Variants in KHDRBS1 observed in about 807,000 individuals in gnomAD.
The protein encoded by KHDRBS1 is KH RNA binding domain containing, signal transduction associated 1.
In KHDRBS1, 7 loss-of-function variants were observed where a neutral mutation model predicts 48.4. The observed-to-expected ratio is 0.14, with a 90% confidence interval of 0.08 to 0.27. The LOEUF is 0.27. KHDRBS1 is among the 10% of genes least tolerant of loss of function. KHDRBS1 has a pLI of 1.00. For missense variants in KHDRBS1, 458 were observed against 601.2 expected (o/e 0.76, Z 2.49); for synonymous variants, 241 against 235.8 (o/e 1.02, Z -0.20).
intron 10 of KHDRBS1, among the ~76,000 whole-genome samples, chr1:32,049,822 C>T (rs1191031108): frequency 2.0e-5 from 3 of 151,992 alleles, no homozygotes; most frequent in Non-Finnish European, 2.9e-5. Flanking sequence ...CCACCACACC[C>T]GGCTAATTCT....
At chr1:32,042,293 G>A (rs1230162261) in intron 8 of KHDRBS1, among the ~76,000 whole-genome samples, 3 of 152,212 alleles carry the variant, frequency 2.0e-5, no homozygotes, top group Admixed American at 2.0e-4. Context: ...TTACTCCAGA[G>A]TCAATGGCAG....
intron 8 of KHDRBS1, among the ~76,000 whole-genome samples, chr1:32,040,370 C>T (rs547410458): frequency 3.3e-5 from 5 of 151,684 alleles, no homozygotes; most frequent in East Asian, 1.9e-4. Context: ...GAGCTGAGAC[C>T]GTGCCATTGC....
intron 8 of KHDRBS1, among the ~76,000 whole-genome samples, chr1:32,040,042 T>C (rs1639253366): frequency 6.6e-6 from 1 of 152,002 alleles, no homozygotes; most frequent in South Asian, 2.1e-4. Context: ...TTGAAAAGAA[T>C]GTCATTGTAA....
At chr1:32,021,472 A>G (rs1209483305) in intron 1 of KHDRBS1, among the ~76,000 whole-genome samples, 1 of 152,228 alleles carries the variant, frequency 6.6e-6, no homozygotes, top group African/African-American at 2.4e-5. Flanking sequence ...TAAATAAAAC[A>G]AATGAAGTTG....
chr1:32,039,047 C>T (rs1372085715), intron 7 of KHDRBS1, among the ~76,000 whole-genome samples: 1 of 152,138 alleles, frequency 6.6e-6, no homozygotes, highest in Non-Finnish European at 1.5e-5. Flanking sequence ...CACATTAAAG[C>T]TCCATAAAAT....
At position 32,042,654 on chromosome 1, in the gene KHDRBS1, T is replaced by C. The variant is rs1049144928; in HGVS notation, c.*30T>C. ...AAACATGAGGGGAAAATATCAGTTA[T>C]GAGCAAAGTTGTTACTGATTTCTTG... On this transcript the variant is annotated 3_prime_UTR_variant, in exon 9 of 9. Coordinates refer to ENST00000327300, the MANE Select transcript of KHDRBS1 (RefSeq NM_006559.3). The C allele has an allele frequency of 7.5e-7, 1 of 1,325,928 alleles. No individual in the cohort carries two copies. Among genetic ancestry groups the C allele is most frequent in the Non-Finnish European group, 1.1e-6 (1 of 920,630 alleles). The allele number at this position is 1,325,928 out of a possible 1,614,324, so 82.1% of individuals were successfully genotyped here.
chr1:32,029,759 TGGCCTTAATTA>T (rs1639046755), intron 1 of KHDRBS1, among the ~76,000 whole-genome samples: 1 of 152,230 alleles, frequency 6.6e-6, no homozygotes, highest in Non-Finnish European at 1.5e-5. Context: ...TATGAAAAAT[TGGCCTTAATTA>T]GGCATATCTA....
At chr1:32,034,515 G>A (rs1569797372) in intron 4 of KHDRBS1, among the ~76,000 whole-genome samples, 1 of 152,034 alleles carries the variant, frequency 6.6e-6, no homozygotes, top group Non-Finnish European at 1.5e-5. Context: ...AGCTGAGATT[G>A]CACCATTGGA....
intron 3 of KHDRBS1, 98 bp downstream of exon 3, chr1:32,031,738 G>T: frequency 1.4e-6 from 1 of 698,584 alleles, no homozygotes; most frequent in Non-Finnish European, 2.4e-6. Context: ...AATTTTGTAT[G>T]TGTACAGAAT....
At chr1:32,055,397 A>T (rs1639470225) in intron 10 of KHDRBS1, among the ~76,000 whole-genome samples, 1 of 152,100 alleles carries the variant, frequency 6.6e-6, no homozygotes, top group African/African-American at 2.4e-5. Flanking sequence ...GCAGTGAGCC[A>T]TGATCGCACC....
At chr1:32,019,213 C>T (rs944255821) in intron 1 of KHDRBS1, among the ~76,000 whole-genome samples, 4 of 152,172 alleles carry the variant, frequency 2.6e-5, no homozygotes, top group African/African-American at 4.8e-5. Flanking sequence ...CAAAACATTG[C>T]AACTTGTTTC....
chr1:32,040,936 A>G (rs1639273421), intron 8 of KHDRBS1, among the ~76,000 whole-genome samples: 1 of 152,196 alleles, frequency 6.6e-6, no homozygotes, highest in African/African-American at 2.4e-5. Flanking sequence ...TTTTAGCGAA[A>G]TAGCACTGGA....
At chr1:32,040,612 A>C (rs1256927007) in intron 8 of KHDRBS1, among the ~76,000 whole-genome samples, 3 of 152,200 alleles carry the variant, frequency 2.0e-5, no homozygotes, top group Admixed American at 2.0e-4. Context: ...ACATCGCTCA[A>C]GTGTGTCCTC....
intron 1 of KHDRBS1, 73 bp from the exon 2 acceptor site, chr1:32,030,225 G>GT: frequency 7.7e-7 from 1 of 1,290,628 alleles, no homozygotes; most frequent in Non-Finnish European, 1.1e-6. Context: ...GGTATTCCAT[G>GT]TTATTGCTTT....
chr1:32,028,197 C>G (rs894446574), intron 1 of KHDRBS1, among the ~76,000 whole-genome samples: 3 of 152,112 alleles, frequency 2.0e-5, no homozygotes, highest in African/African-American at 7.2e-5. Flanking sequence ...CTTTATACTT[C>G]AAGCCAATGG....
At chr1:32,047,253 G>A (rs1402626241), downstream of KHDRBS1, among the ~76,000 whole-genome samples, 2 of 152,106 alleles carry the variant, frequency 1.3e-5, no homozygotes, top group Admixed American at 6.5e-5. Flanking sequence ...CCACCTCCCG[G>A]GTTCAAGCGA....
rs750743983 is a variant in KHDRBS1, at chr1:32,014,264, C to T, written c.269C>T (p.Ser90Leu). 6.5e-7 allele frequency: 1 copy of T among 1,543,608 alleles called. No homozygotes were observed. Among genetic ancestry groups the T allele is most frequent in the Admixed American group, 2.0e-5 (1 of 50,718 alleles). The change falls in exon 1 of 9, where the codon TCG becomes TTG. Residue 90 changes from serine to leucine, a missense_variant. Physicochemically the swap from Ser to Leu is moderately radical, Grantham distance 145 (BLOSUM62 -2). Around this residue, in one of 3 missense-constraint regions of KHDRBS1, gnomAD observed 213 missense variants for 215.6 expected, o/e 0.99. Coordinates refer to ENST00000327300, the MANE Select transcript of KHDRBS1 (RefSeq NM_006559.3). Reference protein sequence around the residue: ...GPAPTPLLPPSATASVKMEPE... With the variant: ...GPAPTPLLPPLATASVKMEPE... The stretch of plus-strand genomic sequence containing the variant: ...GCGCCGACCCCGCTGCTGCCCCCCT[C>T]GGCCACAGCCTCGGTCAAGATGGAG...
chr1:32,059,799 C>T (rs1454381086), intron 10 of KHDRBS1, among the ~76,000 whole-genome samples: 2 of 152,144 alleles, frequency 1.3e-5, no homozygotes, highest in Non-Finnish European at 2.9e-5. Flanking sequence ...ATCTTTTTCA[C>T]ATTTCTAGGA....
At chr1:32,045,649 A>G (rs192693837), downstream of KHDRBS1, among the ~76,000 whole-genome samples, 479 of 152,322 alleles carry the variant, frequency 3.1e-3, 4 homozygotes, top group Non-Finnish European at 5.2e-3. Flanking sequence ...GTGGTGTTCC[A>G]CTTGGAGTTC....
Sources: gnomAD v4.1 joint callset for allele counts (sites outside exome capture counted in the v4.1 genomes callset) on GRCh38, gnomAD v4.1.1 for gene constraint, gnomAD v4.1.1 regional missense constraint, MANE v1.5 for transcripts, NCBI Gene and HGNC (gene_info 2026-07-23, HGNC 2026-07-21) for gene names.